Variants in EPS8 observed in about 807,000 individuals in gnomAD.
The protein encoded by EPS8 is EGFR pathway substrate 8, signaling adaptor, also known as epidermal growth factor receptor kinase substrate 8.
In EPS8, 42 loss-of-function variants were observed where a neutral mutation model predicts 103.8. The ratio of observed to expected loss-of-function variants is 0.40; its 90% CI spans 0.32 to 0.52. The LOEUF (loss-of-function observed/expected upper bound fraction) is 0.52. Among genes scored for constraint, EPS8 ranks in the 20% least tolerant of loss-of-function variants. The probability of loss-of-function intolerance (pLI) is 0.40; values close to 1 mark genes in which losing one functional copy is unlikely to be tolerated. For missense variants in EPS8, 969 were observed against 1,005.1 expected, an observed-to-expected ratio of 0.96 and a Z score of 0.49; for synonymous variants, 344 against 344.6, an observed-to-expected ratio of 1.00 and a Z score of 0.02.
chr12:15,723,562 C>T (rs1946621967), intron 1 of EPS8, among the ~76,000 whole-genome samples: 1 of 152,160 alleles, frequency 6.6e-6, no homozygotes, highest in African/African-American at 2.4e-5. Flanking sequence ...ATACATACAT[C>T]TTGGATTTAT....
intron 17 of EPS8, among the ~76,000 whole-genome samples, chr12:15,637,104 C>A (rs1945148728): frequency 1.3e-5 from 2 of 152,310 alleles, no homozygotes; most frequent in East Asian, 3.9e-4. Flanking sequence ...CACCGCATCC[C>A]CTGCCTCCTG....
chr12:15,621,056 G>C lies in EPS8; in HGVS notation c.*261C>G. On this transcript the variant is annotated 3_prime_UTR_variant, in exon 21 of 21. Transcript: ENST00000281172. The stretch of plus-strand genomic sequence containing the variant: ...CCCTGGGATGGGGATAAAATAATTA[G>C]TCTAATTAAGGAAACTTCACCTTGG... 3.0e-6 allele frequency: 1 copy of C among 335,426 alleles called. No individual in the cohort carries two copies. Among genetic ancestry groups the C allele is most frequent in the Non-Finnish European group, 5.3e-6 (1 of 188,420 alleles). 20.8% of individuals were successfully genotyped at this position (335,426 alleles called of 1,614,324 possible).
chr12:15,652,980 C>T (rs1165509592), intron 13 of EPS8, among the ~76,000 whole-genome samples: 1 of 152,122 alleles, frequency 6.6e-6, no homozygotes, highest in Non-Finnish European at 1.5e-5. Context: ...ATAAGCAAAG[C>T]AAAAATGATT....
intron 16 of EPS8, among the ~76,000 whole-genome samples, 200 bp downstream of exon 16, chr12:15,641,521 CA>C (rs1945229445): frequency 6.6e-6 from 1 of 151,636 alleles, no homozygotes; most frequent in Non-Finnish European, 1.5e-5. Flanking sequence ...CCACTCCCCA[CA>C]AAAAACAAAT....
rs1397757316 is a variant in EPS8, at chr12:15,695,797, A to C, written c.-21-12825T>G. On this transcript the variant is annotated intron_variant, in intron 1 of 20. Coordinates refer to ENST00000281172, the MANE Select transcript of EPS8 (RefSeq NM_004447.6). This position sits in a 1 kb window ranked among gnomAD's most constrained non-coding sequence, Gnocchi z 5.0. ...TGAGACCAGCCTGGCCAAAATGGCG[A>C]AACCCCATCTCTACCAAAAATATAA... is the stretch of plus-strand genomic sequence containing the variant. Among the ~76,000 whole-genome samples the C allele has an allele frequency of 1.3e-5, 2 of 152,188 alleles. No individual in the cohort carries two copies. The highest frequency in any genetic ancestry group is 1.3e-4 in the Admixed American group (2 of 15,278).
In EPS8 at chr12:15,658,123, T is replaced by C. The variant is rs768776753; in HGVS notation, c.1057A>G (p.Ser353Gly). The C allele has an allele frequency of 1.8e-5, 29 of 1,610,728 alleles. No individual in the cohort carries two copies. The South Asian group carries it at 2.4e-4, about 13-fold the overall frequency. ...AAAAAGTGAACCAAATCTGCAGCAC[T>C]AGGATTCTGAATATGAGACTTCAGT... The part of the protein sequence containing the change: ...AKLKSHIQNP[S>G]AADLVHFLFT... The change falls in exon 12 of 21, where the codon AGT becomes GGT. Residue 353 changes from serine to glycine, a missense_variant. Coordinates refer to ENST00000281172, the MANE Select transcript of EPS8 (RefSeq NM_004447.6).
chr12:15,657,376 C>T lies in EPS8; in HGVS notation c.1101+703G>A, dbSNP rs537215092. On this transcript the variant is annotated intron_variant, in intron 12 of 20. Coordinates refer to ENST00000281172, the MANE Select transcript of EPS8 (RefSeq NM_004447.6). ...ACACTCCGTTTCCCACACACATAGA[C>T]ACATGCGTGCATCCCCCTGGGGAAC... Among the ~76,000 whole-genome samples the T allele has an allele frequency of 3.1e-4, 47 of 152,346 alleles. 1 individual carries two copies. Among genetic ancestry groups the T allele is most frequent in the African/African-American group, 1.1e-3 (45 of 41,602 alleles).
intron 8 of EPS8, among the ~76,000 whole-genome samples, chr12:15,664,580 A>G (rs529033320): frequency 2.0e-5 from 3 of 152,354 alleles, no homozygotes; most frequent in Admixed American, 6.5e-5. Flanking sequence ...CCAAGACCAC[A>G]CAGGTAGACA....
intron 17 of EPS8, among the ~76,000 whole-genome samples, chr12:15,637,660 G>A (rs1945159441): frequency 6.6e-6 from 1 of 152,136 alleles, no homozygotes; most frequent in Non-Finnish European, 1.5e-5. Flanking sequence ...GCTTCCTTTT[G>A]GCAGCATGGT....
chr12:15,788,013 G>A (rs969582540), intron 1 of EPS8: 1 of 152,208 alleles, frequency 6.6e-6, no homozygotes, highest in Non-Finnish European at 1.5e-5. Flanking sequence ...CCAAGGAGCT[G>A]TGGAAGAATG....
In EPS8 at chr12:15,767,531, A is replaced by G. The variant is rs534512891; in HGVS notation, c.-22+21630T>C. ...CACAGGAAGTTGACAGTATCAGGTCAGTCTTAGGCCATAAAGAAGTACTTT... is the reference window on the plus strand; with the variant it reads ...CACAGGAAGTTGACAGTATCAGGTCGGTCTTAGGCCATAAAGAAGTACTTT... On this transcript the variant is annotated intron_variant, in intron 1 of 20. Transcript: ENST00000281172. The surrounding 1 kb of genome is among the most constrained non-coding windows in gnomAD (Gnocchi z 5.5). 4.9e-4 allele frequency among the ~76,000 whole-genome samples: 75 copies of G among 152,360 alleles called. 3 individuals carry two copies. The South Asian group carries it at 0.015, about 31-fold the overall frequency.
chr12:15,643,820 C>A (rs1364792822), intron 15 of EPS8, among the ~76,000 whole-genome samples: 2 of 150,044 alleles, frequency 1.3e-5, no homozygotes, highest in African/African-American at 4.9e-5. Flanking sequence ...GGCTCAGTTT[C>A]TGATTAGGAA....
chr12:15,663,946 ATAATATATATAT>A (rs1945658189), intron 8 of EPS8, among the ~76,000 whole-genome samples: 2 of 10,154 alleles, frequency 2.0e-4, no homozygotes, highest in African/African-American at 2.9e-4. Context: ...AAAAAAAAAA[ATAATATATATAT>A]ATATATATAT....
At chr12:15,746,958 C>T (rs1002954645) in intron 1 of EPS8, among the ~76,000 whole-genome samples, 39 of 152,108 alleles carry the variant, frequency 2.6e-4, no homozygotes, top group African/African-American at 9.2e-4. Context: ...CCTTTCTTAC[C>T]AAAACTATTC....
rs12300287 is a variant in EPS8, at chr12:15,659,864, G to T, written c.937+750C>A. 9.9e-5 allele frequency among the ~76,000 whole-genome samples: 15 copies of T among 152,152 alleles called. 1 individual carries two copies. The East Asian group carries it at 2.5e-3, about 25-fold the overall frequency. On this transcript the variant is annotated intron_variant, in intron 10 of 20. Coordinates refer to ENST00000281172, the MANE Select transcript of EPS8 (RefSeq NM_004447.6). ...ACTTTGTATGTGACCTGAATGTACC[G>T]TTTAAAGTTTTGTGATAAAAAATTC...
chr12:15,787,770 C>T lies in EPS8; in HGVS notation c.-22+1391G>A, dbSNP rs1169878738. On this transcript the variant is annotated intron_variant, in intron 1 of 20. Transcript: ENST00000281172. This position sits in a 1 kb window ranked among gnomAD's most constrained non-coding sequence, Gnocchi z 4.9. ...CTATTGCATTTGTGATACATTCTAC[C>T]TTACCCTTTATGTGACAATTCTATA... Among the ~76,000 whole-genome samples, 4 of 152,224 alleles carry T rather than the reference C, an allele frequency of 2.6e-5. No homozygotes were observed. Among genetic ancestry groups the T allele is most frequent in the South Asian group, 2.1e-4 (1 of 4,828 alleles).
At chr12:15,652,512 C>CT (rs1565480670) in intron 13 of EPS8, among the ~76,000 whole-genome samples, 1 of 151,942 alleles carries the variant, frequency 6.6e-6, no homozygotes, top group Non-Finnish European at 1.5e-5. Flanking sequence ...CTGATTTCAC[C>CT]TTTGTACATT....
At chr12:15,755,242 T>C (rs751822007) in intron 1 of EPS8, among the ~76,000 whole-genome samples, 2 of 152,374 alleles carry the variant, frequency 1.3e-5, no homozygotes, top group East Asian at 3.9e-4. Context: ...GTATTCATCT[T>C]GAGATTACAG....
chr12:15,655,298 C>T (rs1945487541), intron 12 of EPS8, among the ~76,000 whole-genome samples: 2 of 152,174 alleles, frequency 1.3e-5, no homozygotes, highest in Admixed American at 1.3e-4. Context: ...ACAATTTATG[C>T]ATATTAGTAA....
Sources: allele counts gnomAD v4.1 joint callset (sites outside exome capture counted in the v4.1 genomes callset), GRCh38; gene constraint gnomAD v4.1.1; non-coding constraint Gnocchi (gnomAD v3.1); transcripts MANE v1.5; gene names NCBI Gene and HGNC (gene_info 2026-07-23, HGNC 2026-07-21).